Variants in ASTN2 observed in about 807,000 individuals in gnomAD.
ASTN2 encodes the protein astrotactin 2.
ASTN2 carries 54 observed loss-of-function variants against 139.8 expected under a neutral mutation model. The ratio of observed to expected loss-of-function variants is 0.39; its 90% confidence interval spans 0.31 to 0.48. The LOEUF (loss-of-function observed/expected upper bound fraction) is 0.48. Among genes scored for constraint, ASTN2 ranks in the 20% least tolerant of loss-of-function variants. The pLI is 0.95. For missense variants in ASTN2, 1,565 were observed against 1,725.1 expected (o/e 0.91, Z 1.64); for synonymous variants, 756 against 719.5 (o/e 1.05, Z -0.81).
Position 117,028,282 on chromosome 9 carries a change from G to A in ASTN2, c.1423+11537C>T, listed in dbSNP as rs146291385. ...TGATGAGATGCCCCAGCCATTAGCT[G>A]AGGTTCAGAAAGTTGCCAAGAGCTT... On this transcript the variant is annotated intron_variant, in intron 6 of 22. Coordinates refer to ENST00000313400, the MANE Select transcript of ASTN2 (RefSeq NM_001365068.1). Among the ~76,000 whole-genome samples, 18 of 152,304 alleles carry A rather than the reference G, an allele frequency of 1.2e-4. No homozygotes were observed. The East Asian group carries it at 3.5e-3, about 29-fold the overall frequency.
intron 17 of ASTN2, among the ~76,000 whole-genome samples, chr9:116,632,128 A>G (rs201580407): frequency 4.2e-5 from 2 of 47,740 alleles, no homozygotes; most frequent in East Asian, 1.0e-3. Flanking sequence ...AAAGAAAAAG[A>G]AGAGAGAGAG....
intron 17 of ASTN2, among the ~76,000 whole-genome samples, chr9:116,627,658 C>G (rs1277891961): frequency 6.6e-6 from 1 of 152,174 alleles, no homozygotes; most frequent in Non-Finnish European, 1.5e-5. Context: ...GGTAAAATAG[C>G]CTGTTCAAGG....
intron 20 of ASTN2, among the ~76,000 whole-genome samples, chr9:116,448,012 G>A (rs1356542224): frequency 6.6e-6 from 1 of 152,142 alleles, no homozygotes; most frequent in Non-Finnish European, 1.5e-5. Context: ...ATCTGACAGG[G>A]GGTAAGAGCA....
At chr9:116,509,541 G>T (rs1564329362) in intron 19 of ASTN2, among the ~76,000 whole-genome samples, 2 of 152,158 alleles carry the variant, frequency 1.3e-5, no homozygotes, top group Non-Finnish European at 2.9e-5. Flanking sequence ...GGATGGCTGG[G>T]TCAAATGGTA....
At chr9:117,056,491 C>T (rs531497321) in intron 5 of ASTN2, among the ~76,000 whole-genome samples, 11 of 152,234 alleles carry the variant, frequency 7.2e-5, no homozygotes, top group African/African-American at 2.6e-4. Context: ...CACAGAGAGA[C>T]AAGTGAGAAG....
chr9:117,343,915 A>T (rs1829134628), intron 1 of ASTN2, among the ~76,000 whole-genome samples: 1 of 152,244 alleles, frequency 6.6e-6, no homozygotes, highest in Non-Finnish European at 1.5e-5. Context: ...CAAGGAAGGC[A>T]GCAAGGACAG....
chr9:117,092,484 C>T (rs756038136), intron 5 of ASTN2, among the ~76,000 whole-genome samples: 2 of 152,082 alleles, frequency 1.3e-5, no homozygotes, highest in Non-Finnish European at 2.9e-5. Flanking sequence ...CACAGATAGC[C>T]CCAAAGACTC....
chr9:116,816,896 AAAAT>A (rs10525804), intron 12 of ASTN2, among the ~76,000 whole-genome samples: 78 of 148,230 alleles, frequency 5.3e-4, no homozygotes, highest in Middle Eastern at 3.5e-3. Context: ...GGTAGAAATG[AAAAT>A]AAATAAATAA....
intron 19 of ASTN2, among the ~76,000 whole-genome samples, chr9:116,609,377 G>GTATATATATA (rs1356237603): frequency 3.2e-5 from 1 of 31,614 alleles, no homozygotes; most frequent in Admixed American, 3.7e-4. Context: ...ATATATATGG[G>GTATATATATA]TGTATATATA....
chr9:116,902,978 T>G (rs1042198398), intron 10 of ASTN2, among the ~76,000 whole-genome samples: 4 of 152,200 alleles, frequency 2.6e-5, no homozygotes, highest in Non-Finnish European at 5.9e-5. Context: ...CTCCCATTAC[T>G]TCCCCCAACT....
chr9:116,942,913 C>CT (rs1203143107), intron 10 of ASTN2, among the ~76,000 whole-genome samples: 1 of 152,170 alleles, frequency 6.6e-6, no homozygotes, highest in Non-Finnish European at 1.5e-5. Flanking sequence ...AACTTAAAGC[C>CT]TTTATATTCA....
intron 5 of ASTN2, among the ~76,000 whole-genome samples, chr9:117,053,611 T>C (rs765879660): frequency 6.6e-6 from 1 of 152,240 alleles, no homozygotes; most frequent in Non-Finnish European, 1.5e-5. Context: ...AGCAACATCC[T>C]GGCTCTTCTC....
At chr9:117,278,249 A>G (rs2133137608) in intron 2 of ASTN2, among the ~76,000 whole-genome samples, 1 of 152,346 alleles carries the variant, frequency 6.6e-6, no homozygotes, top group East Asian at 1.9e-4. Context: ...AGCCAAATGA[A>G]CATTAATTGC....
chr9:116,959,711 A>C (rs1271118901), intron 10 of ASTN2, among the ~76,000 whole-genome samples: 1 of 152,104 alleles, frequency 6.6e-6, no homozygotes, highest in Non-Finnish European at 1.5e-5. Flanking sequence ...TCTTTTCTGT[A>C]AACCTTCGGA....
At chr9:116,700,186 A>T (rs768024209) in intron 16 of ASTN2, 1 of 205,374 alleles carries the variant, frequency 4.9e-6, no homozygotes, top group Non-Finnish European at 1.1e-5. Flanking sequence ...CCTTTCAGTG[A>T]CATTTAAGAC....
chr9:116,799,823 G>A (rs1203513551), intron 13 of ASTN2, among the ~76,000 whole-genome samples: 1 of 152,058 alleles, frequency 6.6e-6, no homozygotes, highest in Non-Finnish European at 1.5e-5. Context: ...AAAGGAAAGG[G>A]GATTCTGACA....
chr9:117,184,264 G>A (rs534758198), intron 3 of ASTN2, among the ~76,000 whole-genome samples: 40 of 152,300 alleles, frequency 2.6e-4, no homozygotes, highest in Admixed American at 2.0e-4. Context: ...CGGGGGTATA[G>A]CAAGCAGACA....
chr9:116,907,903 T>C (rs938038789), intron 10 of ASTN2, among the ~76,000 whole-genome samples: 2 of 152,186 alleles, frequency 1.3e-5, no homozygotes, highest in East Asian at 3.9e-4. Flanking sequence ...TCTTGCTCAT[T>C]ACTGAAGGCT....
Position 116,442,465 on chromosome 9 carries a change from T to G in ASTN2, c.3586A>C (p.Asn1196His). 6.2e-7 allele frequency: 1 copy of G among 1,614,084 alleles called. No individual in the cohort carries two copies. The highest frequency in any genetic ancestry group is 8.5e-7 in the Non-Finnish European group (1 of 1,180,018). Residue 1196 changes from asparagine to histidine, a missense_variant, in exon 21 of 23, where the codon AAC becomes CAC. By Grantham distance (68) the Asn-to-His change is moderately conservative (BLOSUM62 1). This residue lies in a region of ASTN2 where 418 missense variants were observed against 465.8 expected (regional missense o/e 0.90). Coordinates refer to ENST00000313400, the MANE Select transcript of ASTN2 (RefSeq NM_001365068.1). ...CTGGGTTACCTACCTTCTGCCTTGT[T>G]GTCATCTACCAGTGGACAGGCCGTC... Reference protein sequence around the residue: ...LRTACPLVDDNKAEEIADKIY... With the variant: ...LRTACPLVDDHKAEEIADKIY...
Sources: allele counts gnomAD v4.1 joint callset (sites outside exome capture counted in the v4.1 genomes callset), GRCh38; gene constraint gnomAD v4.1.1; regional missense constraint gnomAD v4.1.1; transcripts MANE v1.5; gene names NCBI Gene and HGNC (gene_info 2026-07-23, HGNC 2026-07-21).